STK32B: variants seen among roughly 807,000 people sequenced by gnomAD.
STK32B encodes the protein serine/threonine-protein kinase 32B.
Under a neutral mutation model 52.6 loss-of-function variants are expected in STK32B, and 43 were observed. The ratio of observed to expected loss-of-function variants is 0.82; its 90% confidence interval spans 0.64 to 1.05. The LOEUF is 1.05. STK32B is among the 50% of genes least tolerant of loss of function. The pLI is 0.00. For missense variants in STK32B, 621 were observed against 534.6 expected (o/e 1.16, Z -1.59); for synonymous variants, 238 against 204.3 (o/e 1.17, Z -1.41).
At chr4:5,478,670 A>G (rs527339936) in intron 11 of STK32B, among the ~76,000 whole-genome samples, 10 of 152,342 alleles carry the variant, frequency 6.6e-5, no homozygotes, top group South Asian at 6.2e-4. Context: ...CTTACAAAGA[A>G]TCGTTTACAT....
intron 1 of STK32B, among the ~76,000 whole-genome samples, chr4:5,127,936 C>G (rs942213673): frequency 6.6e-6 from 1 of 152,214 alleles, no homozygotes; most frequent in Non-Finnish European, 1.5e-5. Flanking sequence ...CACGAGCTCT[C>G]TTGCCTGTTA....
At chr4:5,165,923 C>T (rs186874615) in intron 2 of STK32B, among the ~76,000 whole-genome samples, 6 of 152,272 alleles carry the variant, frequency 3.9e-5, no homozygotes, top group East Asian at 3.9e-4. Context: ...CCCTCAGTGC[C>T]GCCTGGCACT....
intron 3 of STK32B, among the ~76,000 whole-genome samples, chr4:5,211,153 G>A (rs1367930183): frequency 6.6e-6 from 1 of 152,118 alleles, no homozygotes; most frequent in Non-Finnish European, 1.5e-5. Flanking sequence ...CATACCAAAA[G>A]CTCTGAGAAT....
chr4:5,314,058 T>C (rs188534683), intron 3 of STK32B, among the ~76,000 whole-genome samples: 7 of 152,122 alleles, frequency 4.6e-5, no homozygotes, highest in Admixed American at 2.0e-4. Flanking sequence ...TTTGCAGACA[T>C]AGACAAACTT....
intron 3 of STK32B, among the ~76,000 whole-genome samples, chr4:5,252,766 A>G (rs1182286709): frequency 3.9e-5 from 6 of 152,190 alleles, no homozygotes; most frequent in African/African-American, 1.2e-4. Context: ...TTTTTAGCCT[A>G]TGCTTTGGTT....
At chr4:5,498,886 T>C in intron 11 of STK32B, 59 bp from the exon 12 acceptor site, 1 of 1,538,158 alleles carries the variant, frequency 6.5e-7, no homozygotes, top group East Asian at 2.4e-5. Context: ...GTGTGTCTCC[T>C]GGATGTGCCT....
chr4:5,104,191 G>T (rs1010345925), intron 1 of STK32B, among the ~76,000 whole-genome samples: 2 of 152,088 alleles, frequency 1.3e-5, no homozygotes, highest in African/African-American at 4.8e-5. Context: ...TGAATCGTGG[G>T]GGTGGTTTCC....
intron 9 of STK32B, among the ~76,000 whole-genome samples, chr4:5,464,754 C>T (rs1288139554): frequency 1.3e-5 from 2 of 152,124 alleles, no homozygotes; most frequent in Non-Finnish European, 2.9e-5. Flanking sequence ...CAAGATTTCT[C>T]AGTGAGAAAT....
At chr4:5,280,272 T>C (rs1460885223) in intron 3 of STK32B, among the ~76,000 whole-genome samples, 1 of 152,214 alleles carries the variant, frequency 6.6e-6, no homozygotes, top group Non-Finnish European at 1.5e-5. Context: ...CCATTGTCTT[T>C]GCTAAAGCAT....
chr4:5,162,625 T>C (rs1247745597), intron 2 of STK32B, among the ~76,000 whole-genome samples: 6 of 152,338 alleles, frequency 3.9e-5, no homozygotes, highest in East Asian at 3.9e-4. Flanking sequence ...CAGGTCCTAA[T>C]TGAGTTAGAC....
Position 5,167,733 on chromosome 4 carries a change from G to A in STK32B, c.109-566G>A, listed in dbSNP as rs142928888. On this transcript the variant is annotated intron_variant, in intron 2 of 11. Coordinates refer to ENST00000282908, the MANE Select transcript of STK32B (RefSeq NM_018401.3). ...ACTGATACTCCCGTTTCTAACAGTC[G>A]TGGATCGAATGTTGCTCTGAGGACA... Among the ~76,000 whole-genome samples, 458 of 152,338 alleles carry A rather than the reference G, an allele frequency of 3.0e-3. 1 individual carries two copies. The highest frequency in any genetic ancestry group is 9.6e-3 in the African/African-American group (398 of 41,572).
intron 3 of STK32B, among the ~76,000 whole-genome samples, chr4:5,271,233 A>C (rs977140951): frequency 9.2e-5 from 14 of 152,204 alleles, no homozygotes; most frequent in Admixed American, 2.6e-4. Flanking sequence ...CACTGTGCCC[A>C]GCCTGAGTTT....
chr4:5,083,492 G>T (rs577788082), intron 1 of STK32B, among the ~76,000 whole-genome samples: 197 of 152,222 alleles, frequency 1.3e-3, no homozygotes, highest in African/African-American at 4.5e-3. Flanking sequence ...CGTCTGCTTT[G>T]TTGTAAGGGT....
chr4:5,385,787 A>C (rs1197264132), intron 4 of STK32B, among the ~76,000 whole-genome samples: 11 of 151,664 alleles, frequency 7.3e-5, no homozygotes, highest in Non-Finnish European at 1.5e-5. Context: ...GCCCCCACAC[A>C]CACCCTCAAC....
chr4:5,208,878 G>A lies in STK32B; in HGVS notation c.260+40428G>A, dbSNP rs74497301. On this transcript the variant is annotated intron_variant, in intron 3 of 11. Coordinates refer to ENST00000282908, the MANE Select transcript of STK32B (RefSeq NM_018401.3). The stretch of plus-strand genomic sequence containing the variant: ...TGTCTTGTGTCAGATAAATGATCAC[G>A]ATGCCTGACAAGCAATCTTCATAAA... Among the ~76,000 whole-genome samples, 367 of 152,294 alleles carry A rather than the reference G, an allele frequency of 2.4e-3. 10 individuals carry two copies. The East Asian group carries it at 0.042, about 18-fold the overall frequency.
intron 4 of STK32B, among the ~76,000 whole-genome samples, chr4:5,385,018 T>G (rs1736153794): frequency 6.6e-6 from 1 of 151,730 alleles, no homozygotes; most frequent in African/African-American, 2.4e-5. Flanking sequence ...TGACCAGGAG[T>G]GAAACCCTCG....
chr4:5,336,669 C>T (rs1034643170), intron 4 of STK32B, among the ~76,000 whole-genome samples: 1 of 151,946 alleles, frequency 6.6e-6, no homozygotes, highest in African/African-American at 2.4e-5. Context: ...TTATACTTTT[C>T]TGTAAAGTAG....
chr4:5,103,148 A>G (rs964374341), intron 1 of STK32B, among the ~76,000 whole-genome samples: 1 of 151,732 alleles, frequency 6.6e-6, no homozygotes, highest in Non-Finnish European at 1.5e-5. Flanking sequence ...GGATCCATGA[A>G]TAAAATTACT....
chr4:5,034,575 C>A, the STK32B span, among the ~76,000 whole-genome samples: 1 of 152,216 alleles, frequency 6.6e-6, no homozygotes, highest in South Asian at 2.1e-4. Context: ...ATGAATCGTA[C>A]CACAGTTTGT....
Sources: allele counts gnomAD v4.1 joint callset (sites outside exome capture counted in the v4.1 genomes callset), GRCh38; gene constraint gnomAD v4.1.1; transcripts MANE v1.5; gene names NCBI Gene and HGNC (gene_info 2026-07-23, HGNC 2026-07-21).